RIT2: variants seen among roughly 807,000 people sequenced by gnomAD.
RIT2 encodes the protein Ras like without CAAX 2, also known as GTP-binding protein Rit2.
RIT2 carries 24 observed loss-of-function variants against 23.7 expected under a neutral mutation model. That is an observed-to-expected ratio of 1.01 (90% CI 0.73 to 1.43). The LOEUF is 1.43. Ranked by LOEUF, RIT2 falls within the 40% of genes most tolerant of loss-of-function variation. The pLI, the probability that RIT2 is intolerant of heterozygous loss-of-function variation, is 0.00. For missense variants in RIT2, 236 were observed against 266.9 expected (o/e 0.88, Z 0.81); for synonymous variants, 107 against 91.1 (o/e 1.17, Z -0.99).
intron 4 of RIT2, among the ~76,000 whole-genome samples, chr18:42,750,011 C>T (rs1020975651): frequency 6.6e-6 from 1 of 151,676 alleles, no homozygotes; most frequent in Non-Finnish European, 1.5e-5. Flanking sequence ...TATATTAATA[C>T]AATGTGATGC....
chr18:43,069,515 C>T (rs551748576), intron 1 of RIT2, among the ~76,000 whole-genome samples: 5 of 152,168 alleles, frequency 3.3e-5, no homozygotes, highest in South Asian at 2.1e-4. Context: ...TCTTTAATTC[C>T]GTCTAGACTT....
intron 4 of RIT2, among the ~76,000 whole-genome samples, chr18:42,834,872 G>A (rs1332726155): frequency 6.6e-6 from 1 of 151,980 alleles, no homozygotes; most frequent in Non-Finnish European, 1.5e-5. Flanking sequence ...CATCCTTTAG[G>A]ATGTTTTTGG....
chr18:42,756,110 A>T (rs1421349188), intron 4 of RIT2, among the ~76,000 whole-genome samples: 1 of 152,142 alleles, frequency 6.6e-6, no homozygotes, highest in Non-Finnish European at 1.5e-5. Flanking sequence ...AGAAGAAGTG[A>T]ATAAGAGCAC....
intron 2 of RIT2, among the ~76,000 whole-genome samples, chr18:43,006,732 A>G (rs962833518): frequency 2.0e-5 from 3 of 151,620 alleles, no homozygotes; most frequent in Non-Finnish European, 4.4e-5. Flanking sequence ...CCAAAATATT[A>G]ATAATAGTAA....
intron 3 of RIT2, among the ~76,000 whole-genome samples, chr18:42,946,033 T>C (rs1362877351): frequency 1.3e-5 from 2 of 152,152 alleles, no homozygotes; most frequent in Non-Finnish European, 2.9e-5. Flanking sequence ...TTTTAAACGC[T>C]GTGAATACTT....
rs535717631 is a variant in RIT2 at position 42,856,829 on chromosome 18, T to C, written c.426+66743A>G. Reference sequence around the variant, plus strand: ...GTCTTTTTCTTTTCTCTCTCTCTCTTTTTTTTTTTTTTTTTTTTGAGACGG... The same window carrying C: ...GTCTTTTTCTTTTCTCTCTCTCTCTCTTTTTTTTTTTTTTTTTTGAGACGG... On this transcript the variant is annotated intron_variant, in intron 4 of 4. Transcript: ENST00000326695. Among the ~76,000 whole-genome samples the C allele has an allele frequency of 1.3e-4, 19 of 140,892 alleles. No homozygotes were observed. In the South Asian group the frequency reaches 2.1e-3, roughly 15 times the overall value. 92.4% of individuals were successfully genotyped at this position (140,892 alleles called of 152,430 possible). A position where few individuals can be genotyped will look rare whatever the true frequency, so the allele number is the denominator to read the frequency against.
At chr18:42,962,382 A>G (rs1395703185) in intron 3 of RIT2, among the ~76,000 whole-genome samples, 1 of 152,234 alleles carries the variant, frequency 6.6e-6, no homozygotes, top group African/African-American at 2.4e-5. Flanking sequence ...GTATAAGCCC[A>G]TTAAAATATT....
intron 4 of RIT2, among the ~76,000 whole-genome samples, chr18:42,847,997 C>T (rs1195694555): frequency 6.6e-6 from 1 of 150,636 alleles, no homozygotes; most frequent in African/African-American, 2.4e-5. Flanking sequence ...TCCTAGATCC[C>T]CCTATAATGA....
intron 3 of RIT2, among the ~76,000 whole-genome samples, chr18:42,958,620 T>C (rs548139671): frequency 3.2e-4 from 49 of 152,244 alleles, no homozygotes; most frequent in African/African-American, 9.4e-4. Context: ...AAATATAATA[T>C]ATAATTTGAT....
intron 4 of RIT2, among the ~76,000 whole-genome samples, chr18:42,780,411 C>A (rs1017891353): frequency 6.6e-6 from 1 of 151,872 alleles, no homozygotes; most frequent in Non-Finnish European, 1.5e-5. Flanking sequence ...GTAGATGGCA[C>A]CTCCAAGTAG....
At chr18:42,832,499 T>C (rs1906487132) in intron 4 of RIT2, among the ~76,000 whole-genome samples, 1 of 152,152 alleles carries the variant, frequency 6.6e-6, no homozygotes, top group Non-Finnish European at 1.5e-5. Context: ...TAAATAATTC[T>C]GTAAAAAGAT....
At chr18:42,817,577 T>G (rs1382094037) in intron 4 of RIT2, among the ~76,000 whole-genome samples, 1 of 152,110 alleles carries the variant, frequency 6.6e-6, no homozygotes, top group African/African-American at 2.4e-5. Flanking sequence ...AAAACTGTAT[T>G]GTAATTCAGT....
chr18:42,810,958 A>C (rs960186439), intron 4 of RIT2, among the ~76,000 whole-genome samples: 1 of 151,964 alleles, frequency 6.6e-6, no homozygotes, highest in African/African-American at 2.4e-5. Context: ...CTTTCCAAAA[A>C]GTGGTATAAT....
At chr18:42,848,552 A>T (rs140287602) in intron 4 of RIT2, among the ~76,000 whole-genome samples, 126 of 152,298 alleles carry the variant, frequency 8.3e-4, no homozygotes, top group African/African-American at 2.8e-3. Flanking sequence ...TTATTCCATA[A>T]AAAATGTTAT....
At chr18:42,835,980 TG>T (rs1319041300) in intron 4 of RIT2, among the ~76,000 whole-genome samples, 7 of 152,180 alleles carry the variant, frequency 4.6e-5, no homozygotes, top group Admixed American at 2.0e-4. Flanking sequence ...TTTTCTACTT[TG>T]GAAAGTGGGA....
At chr18:42,882,369 T>C (rs934508092) in intron 4 of RIT2, among the ~76,000 whole-genome samples, 1 of 152,232 alleles carries the variant, frequency 6.6e-6, no homozygotes, top group African/African-American at 2.4e-5. Context: ...CCATGTTTTC[T>C]ACTTAAAAAT....
At chr18:43,113,744 C>A (rs763792507) in intron 1 of RIT2, among the ~76,000 whole-genome samples, 1 of 152,160 alleles carries the variant, frequency 6.6e-6, no homozygotes, top group Non-Finnish European at 1.5e-5. Flanking sequence ...ACTCTATCCC[C>A]ACATCCCCCA....
intron 3 of RIT2, among the ~76,000 whole-genome samples, chr18:42,932,640 G>A (rs117075348): frequency 8.5e-5 from 13 of 152,148 alleles, no homozygotes; most frequent in East Asian, 1.9e-4. Context: ...CTAGGGAATC[G>A]AGAATTTAGT....
intron 2 of RIT2, among the ~76,000 whole-genome samples, chr18:42,992,201 C>T (rs1910868026): frequency 2.0e-5 from 3 of 152,124 alleles, no homozygotes; most frequent in Admixed American, 1.3e-4. Flanking sequence ...GAAACCTCTT[C>T]AACTCACACG....
Sources: allele counts gnomAD v4.1 joint callset (sites outside exome capture counted in the v4.1 genomes callset), GRCh38; gene constraint gnomAD v4.1.1; transcripts MANE v1.5; gene names NCBI Gene and HGNC (gene_info 2026-07-23, HGNC 2026-07-21).